Variants in PTPRD observed in about 807,000 individuals in gnomAD.
PTPRD encodes protein tyrosine phosphatase receptor type D.
Under a neutral mutation model 214.5 loss-of-function variants are expected in PTPRD, and 34 were observed. The observed-to-expected ratio is 0.16, with a 90% CI of 0.12 to 0.21. The LOEUF is 0.21. Among genes scored for constraint, PTPRD ranks in the 10% least tolerant of loss-of-function variants. The pLI is 1.00. For missense variants in PTPRD, 2,545 were observed against 2,398.7 expected (o/e 1.06, Z -1.27); for synonymous variants, 1,128 against 845.7 (o/e 1.33, Z -5.79).
chr9:8,905,679 C>T (rs566461220), intron 11 of PTPRD, among the ~76,000 whole-genome samples: 2 of 146,874 alleles, frequency 1.4e-5, no homozygotes, highest in South Asian at 2.1e-4. Flanking sequence ...ACCGAGGTTG[C>T]AGTGAGCCGG....
At chr9:8,960,565 G>C (rs371006643) in intron 11 of PTPRD, among the ~76,000 whole-genome samples, 3 of 152,094 alleles carry the variant, frequency 2.0e-5, no homozygotes, top group African/African-American at 7.2e-5. Flanking sequence ...TAAAAACAGA[G>C]CTGAAGATCA....
intron 4 of PTPRD, among the ~76,000 whole-genome samples, chr9:10,000,672 A>T (rs2096284806): frequency 2.0e-5 from 3 of 152,206 alleles, no homozygotes; most frequent in African/African-American, 7.2e-5. Context: ...CAGCTCCCGA[A>T]ACATTTCTTT....
chr9:9,822,256 C>G (rs2051023867), intron 5 of PTPRD, among the ~76,000 whole-genome samples: 1 of 150,850 alleles, frequency 6.6e-6, no homozygotes, highest in African/African-American at 2.4e-5. Context: ...ACTAAAAGTA[C>G]AAAAGTTAGC....
At chr9:9,114,666 A>G (rs2099810537) in intron 10 of PTPRD, among the ~76,000 whole-genome samples, 1 of 152,132 alleles carries the variant, frequency 6.6e-6, no homozygotes, top group Non-Finnish European at 1.5e-5. Context: ...AAAGATTTCA[A>G]GATACTCCCT....
chr9:8,790,436 G>C (rs1042658420), intron 11 of PTPRD, among the ~76,000 whole-genome samples: 1 of 151,894 alleles, frequency 6.6e-6, no homozygotes, highest in African/African-American at 2.4e-5. Context: ...TTGTGTTTTT[G>C]AGATGGAGTC....
intron 2 of PTPRD, among the ~76,000 whole-genome samples, chr9:10,410,583 T>C (rs1295274680): frequency 2.0e-5 from 3 of 151,660 alleles, no homozygotes; most frequent in Non-Finnish European, 4.4e-5. Flanking sequence ...ATTTCTTATG[T>C]ATTCATAGCT....
intron 4 of PTPRD, among the ~76,000 whole-genome samples, chr9:9,983,680 G>C (rs2095616710): frequency 6.6e-6 from 1 of 152,176 alleles, no homozygotes; most frequent in South Asian, 2.1e-4. Flanking sequence ...TTCTGTTTAA[G>C]TTAAAAAATA....
intron 2 of PTPRD, among the ~76,000 whole-genome samples, chr9:10,512,193 T>G (rs1406298833): frequency 4.0e-5 from 6 of 151,400 alleles, no homozygotes; most frequent in African/African-American, 1.2e-4. Context: ...AAAGCTTATT[T>G]ACCTTAACAA....
chr9:9,424,007 C>T (rs1358984754), intron 8 of PTPRD, among the ~76,000 whole-genome samples: 1 of 152,118 alleles, frequency 6.6e-6, no homozygotes, highest in African/African-American at 2.4e-5. Context: ...CAACTCAAGC[C>T]CCTTGGCCAA....
intron 11 of PTPRD, among the ~76,000 whole-genome samples, chr9:8,919,689 AC>A (rs2098811472): frequency 6.6e-6 from 1 of 152,122 alleles, no homozygotes; most frequent in Non-Finnish European, 1.5e-5. Context: ...ATATATTTAT[AC>A]ATGCATGTAT....
At chr9:10,166,189 A>G (rs1466010875) in intron 3 of PTPRD, among the ~76,000 whole-genome samples, 1 of 150,456 alleles carries the variant, frequency 6.6e-6, no homozygotes, top group Admixed American at 6.6e-5. Flanking sequence ...GATACTGTTT[A>G]AATTTTTAAT....
chr9:8,965,136 G>A (rs1183125235), intron 11 of PTPRD, among the ~76,000 whole-genome samples: 4 of 152,062 alleles, frequency 2.6e-5, no homozygotes, highest in Non-Finnish European at 4.4e-5. Context: ...CCAGCACTTT[G>A]GGAGGCCGAG....
chr9:8,348,457 A>G (rs2074484230), intron 39 of PTPRD, among the ~76,000 whole-genome samples: 1 of 152,100 alleles, frequency 6.6e-6, no homozygotes, highest in Non-Finnish European at 1.5e-5. Context: ...CTGGGCTCCA[A>G]TATTATCTCT....
intron 2 of PTPRD, among the ~76,000 whole-genome samples, chr9:10,573,350 C>A (rs1242795203): frequency 6.6e-6 from 1 of 152,122 alleles, no homozygotes; most frequent in African/African-American, 2.4e-5. Context: ...GCAAGTAACC[C>A]CAACTCAAAA....
At chr9:8,933,339 G>GTTTTTTTTTTTTTTTTT (rs1567089304) in intron 11 of PTPRD, among the ~76,000 whole-genome samples, 6 of 68,800 alleles carry the variant, frequency 8.7e-5, no homozygotes, top group African/African-American at 4.0e-4. Context: ...ACAACCTTGA[G>GTTTTTTTTTTTTTTTTT]GTTTTTTTTT....
At chr9:8,709,795 A>T (rs1161952588) in intron 12 of PTPRD, among the ~76,000 whole-genome samples, 1 of 152,208 alleles carries the variant, frequency 6.6e-6, no homozygotes, top group Non-Finnish European at 1.5e-5. Flanking sequence ...CAAAGAGGAA[A>T]AAAGTGACTA....
intron 3 of PTPRD, among the ~76,000 whole-genome samples, chr9:10,168,834 T>C (rs2099177872): frequency 6.6e-6 from 1 of 152,188 alleles, no homozygotes; most frequent in Non-Finnish European, 1.5e-5. Context: ...AATATACATA[T>C]ATATACACAC....
At chr9:8,931,844 T>C (rs533082519) in intron 11 of PTPRD, among the ~76,000 whole-genome samples, 14 of 152,120 alleles carry the variant, frequency 9.2e-5, no homozygotes, top group Non-Finnish European at 1.9e-4. Context: ...ATTTCAGAAC[T>C]TGTTATTGGC....
At chr9:9,062,263 G>T (rs1386140606) in intron 10 of PTPRD, among the ~76,000 whole-genome samples, 1 of 152,070 alleles carries the variant, frequency 6.6e-6, no homozygotes, top group Non-Finnish European at 1.5e-5. Context: ...TAATAACCAG[G>T]AGAGATATAA....
Sources: allele counts gnomAD v4.1 joint callset (sites outside exome capture counted in the v4.1 genomes callset), GRCh38; gene constraint gnomAD v4.1.1; transcripts MANE v1.5; gene names NCBI Gene and HGNC (gene_info 2026-07-23, HGNC 2026-07-21).